MAPK10: variants seen among roughly 807,000 people sequenced by gnomAD.
MAPK10 encodes the protein JNK3 alpha protein kinase.
A neutral mutation model predicts 59.3 loss-of-function variants in MAPK10; 25 were observed. That is an observed-to-expected ratio of 0.42 (90% CI 0.31 to 0.59). The LOEUF (loss-of-function observed/expected upper bound fraction) is 0.59. Ranked by LOEUF, MAPK10 falls within the 20% of genes least tolerant of loss-of-function variation. MAPK10 has a pLI of 0.15. For missense variants in MAPK10, 351 were observed against 568.9 expected (o/e 0.62, Z 3.90); for synonymous variants, 190 against 200.5 (o/e 0.95, Z 0.44).
intron 13 of MAPK10, chr4:86,025,673 G>C (rs764698625): frequency 1.8e-5 from 7 of 390,672 alleles, no homozygotes; most frequent in Non-Finnish European, 9.0e-6. Flanking sequence ...GGCATTAAAA[G>C]GAACTGAAAA....
At chr4:86,300,900 A>AAAC (rs2095458340) in intron 2 of MAPK10, 2 of 151,944 alleles carry the variant, frequency 1.3e-5, no homozygotes, top group South Asian at 4.2e-4. Context: ...ATTAAAAAAA[A>AAAC]AAAAAAACAA....
intron 1 of MAPK10, among the ~76,000 whole-genome samples, chr4:86,486,886 AAC>A (rs1166404008): frequency 6.6e-6 from 1 of 152,220 alleles, no homozygotes; most frequent in East Asian, 1.9e-4. Flanking sequence ...ATGTGCCTGA[AAC>A]ACAGTACTCT....
At chr4:86,547,426 G>C (rs910292277) in intron 1 of MAPK10, among the ~76,000 whole-genome samples, 1 of 152,232 alleles carries the variant, frequency 6.6e-6, no homozygotes, top group Non-Finnish European at 1.5e-5. Context: ...GGGCAGTGAG[G>C]GGTTTAGCAC....
intron 1 of MAPK10, among the ~76,000 whole-genome samples, chr4:86,377,979 G>C (rs889657358): frequency 9.2e-5 from 14 of 152,038 alleles, no homozygotes; most frequent in African/African-American, 3.1e-4. Flanking sequence ...ATTAAGGGTG[G>C]GTCTGCCTTT....
intron 4 of MAPK10, among the ~76,000 whole-genome samples, chr4:86,158,653 G>T (rs929963918): frequency 3.1e-4 from 47 of 151,736 alleles, no homozygotes; most frequent in African/African-American, 1.1e-3. Context: ...AATTAAAACT[G>T]TGTAAAAGAA....
chr4:86,205,443 T>C (rs2083584199), intron 2 of MAPK10, among the ~76,000 whole-genome samples: 1 of 151,968 alleles, frequency 6.6e-6, no homozygotes, highest in South Asian at 2.1e-4. Context: ...ATACAAACTG[T>C]TATAAAATAA....
chr4:86,352,507 T>C (rs1166661312), intron 2 of MAPK10, among the ~76,000 whole-genome samples: 1 of 152,120 alleles, frequency 6.6e-6, no homozygotes, highest in Non-Finnish European at 1.5e-5. Context: ...CTAAGATTCA[T>C]AGCCTAGAGA....
intron 2 of MAPK10, among the ~76,000 whole-genome samples, chr4:86,195,177 T>G (rs2080996303): frequency 6.6e-6 from 1 of 152,174 alleles, no homozygotes; most frequent in African/African-American, 2.4e-5. Flanking sequence ...ACTAAGTTAT[T>G]TGAGAATGAC....
At chr4:86,138,837 G>T (rs1010925303) in intron 4 of MAPK10, among the ~76,000 whole-genome samples, 1 of 152,066 alleles carries the variant, frequency 6.6e-6, no homozygotes, top group African/African-American at 2.4e-5. Flanking sequence ...CTTCAGCAAA[G>T]TCTCAGGATA....
At chr4:86,563,220 TG>T (rs1490737994) in intron 1 of MAPK10, among the ~76,000 whole-genome samples, 1 of 152,116 alleles carries the variant, frequency 6.6e-6, no homozygotes, top group Non-Finnish European at 1.5e-5. Context: ...CTGAAAGAAG[TG>T]GGGCTTAAAT....
At chr4:86,053,245 G>C (rs1282637994) in intron 11 of MAPK10, among the ~76,000 whole-genome samples, 3 of 152,142 alleles carry the variant, frequency 2.0e-5, no homozygotes, top group Non-Finnish European at 4.4e-5. Context: ...TACCTCTGCA[G>C]AGCATATCAT....
At chr4:86,225,642 C>G (rs1214400462) in intron 2 of MAPK10, among the ~76,000 whole-genome samples, 1 of 152,202 alleles carries the variant, frequency 6.6e-6, no homozygotes, top group Non-Finnish European at 1.5e-5. Context: ...CGCCCCCCAA[C>G]ACATTTTCCA....
intron 3 of MAPK10, among the ~76,000 whole-genome samples, chr4:86,171,909 C>T (rs1033425412): frequency 1.1e-4 from 17 of 150,796 alleles, no homozygotes; most frequent in South Asian, 2.1e-4. Flanking sequence ...AAAAAGTGGG[C>T]GAAGGATATG....
At chr4:86,484,644 A>T (rs1238402667) in intron 1 of MAPK10, among the ~76,000 whole-genome samples, 1 of 152,204 alleles carries the variant, frequency 6.6e-6, no homozygotes, top group African/African-American at 2.4e-5. Context: ...ACCCATTATG[A>T]TGCTAGACCA....
intron 1 of MAPK10, among the ~76,000 whole-genome samples, chr4:86,479,615 C>T (rs1394230423): frequency 1.3e-5 from 2 of 152,140 alleles, no homozygotes; most frequent in Non-Finnish European, 2.9e-5. Flanking sequence ...CAGCTGATGT[C>T]TCCTGGTGCT....
At chr4:86,427,072 G>A (rs1009683354) in intron 1 of MAPK10, among the ~76,000 whole-genome samples, 2 of 151,534 alleles carry the variant, frequency 1.3e-5, no homozygotes, top group African/African-American at 2.4e-5. Context: ...CCTGGTTAAC[G>A]CGGTGAAACC....
In MAPK10 at chr4:86,017,310, G is replaced by A. The variant is rs765188153; in HGVS notation, c.1313C>T (p.Ser438Phe). Residue 438 changes from serine (S) to phenylalanine (F), a missense_variant, in exon 14 of 14, where the codon TCC becomes TTC. This residue lies in a region of MAPK10 where 155 missense variants were observed against 204.2 expected (regional missense o/e 0.76). Transcript: ENST00000641462. This position sits in a 1 kb window ranked among gnomAD's most constrained non-coding sequence, Gnocchi z 4.4. The stretch of plus-strand genomic sequence containing the variant: ...TGCCAGGGTCTGGTCGGTGGACATG[G>A]AGGAGATGTCATTGACAGACGAGGA... The part of the protein sequence containing the change: ...PPSSSVNDIS[S>F]MSTDQTLASD... 2 of 1,614,178 alleles carry A rather than the reference G, an allele frequency of 1.2e-6. No homozygotes were observed. The highest frequency in any genetic ancestry group is 1.7e-6 in the Non-Finnish European group (2 of 1,179,992).
At chr4:86,387,570 C>G (rs961447866) in intron 1 of MAPK10, among the ~76,000 whole-genome samples, 3 of 152,176 alleles carry the variant, frequency 2.0e-5, no homozygotes, top group Non-Finnish European at 4.4e-5. Flanking sequence ...GACCACTTAA[C>G]TCTTAATAGC....
intron 1 of MAPK10, among the ~76,000 whole-genome samples, chr4:86,484,808 G>GAGCT (rs1753866740): frequency 1.3e-5 from 2 of 152,130 alleles, no homozygotes; most frequent in Non-Finnish European, 2.9e-5. Flanking sequence ...CTAAGTGACA[G>GAGCT]AGCTGCTTCT....
Sources: gnomAD v4.1 joint callset for allele counts (sites outside exome capture counted in the v4.1 genomes callset) on GRCh38, gnomAD v4.1.1 for gene constraint, gnomAD v4.1.1 regional missense constraint, Gnocchi (gnomAD v3.1) non-coding constraint, MANE v1.5 for transcripts, NCBI Gene and HGNC (gene_info 2026-07-23, HGNC 2026-07-21) for gene names.